STAP2: variants seen among roughly 807,000 people sequenced by gnomAD.
STAP2 encodes the protein signal-transducing adaptor protein 2.
A neutral mutation model predicts 52.7 loss-of-function variants in STAP2; 58 were observed. That is an observed-to-expected ratio of 1.10 (90% CI 0.89 to 1.37). STAP2 has a LOEUF of 1.37. STAP2 is among the 40% of genes most tolerant of loss of function. The probability of loss-of-function intolerance (pLI) is 0.00; values close to 1 mark genes in which losing one functional copy is unlikely to be tolerated. For missense variants in STAP2, 522 were observed against 519.4 expected, an observed-to-expected ratio of 1.00 and a Z score of -0.05; for synonymous variants, 231 against 210.5, an observed-to-expected ratio of 1.10 and a Z score of -0.84.
Position 4,326,982 on chromosome 19 carries a change from A to G in STAP2, c.789T>C (p.Asn263=), listed in dbSNP as rs895365159. ...AGGGCGCCACCCACACATTCTCGCC[A>G]TTCTCCTTATCGGCTTCCACGTAGC... ...VLGYVEADKE[N]GENVWVAPSA... The change falls in exon 9 of 13, where the codon AAT becomes AAC. Residue 263 remains asparagine, a synonymous_variant. Transcript: ENST00000594605. 14 of 1,553,854 alleles carry G rather than the reference A, an allele frequency of 9.0e-6. No individual in the cohort carries two copies. The African/African-American group carries it at 1.8e-4, about 20-fold the overall frequency.
chr19:4,325,187 T>C, intron 11 of STAP2, 29 bp downstream of exon 11: 1 of 1,525,180 alleles, frequency 6.6e-7, no homozygotes, highest in Non-Finnish European at 8.9e-7. Context: ...TGCCATCAGG[T>C]GAGGGTGGGA....
At chr19:4,327,063 G>T in intron 8 of STAP2, 56 bp from the exon 9 acceptor site, 1 of 1,606,388 alleles carries the variant, frequency 6.2e-7, no homozygotes, top group Non-Finnish European at 8.5e-7. Flanking sequence ...GGCCCGGTCC[G>T]TCCGAGCGGG....
intron 1 of STAP2, among the ~76,000 whole-genome samples, chr19:4,335,938 T>G (rs1971973922): frequency 6.6e-6 from 1 of 152,146 alleles, no homozygotes; most frequent in Non-Finnish European, 1.5e-5. Flanking sequence ...GCATAAGGCC[T>G]GGGAGTAAGG....
intron 9 of STAP2, 105 bp downstream of exon 9, chr19:4,326,837 G>A: frequency 7.2e-7 from 1 of 1,393,416 alleles, no homozygotes; most frequent in Non-Finnish European, 9.9e-7. Flanking sequence ...GCAACTTTGG[G>A]AACATCAGAT....
At chr19:4,324,575 T>C (rs748805761) in intron 11 of STAP2, 46 bp from the exon 12 acceptor site, 5 of 1,548,748 alleles carry the variant, frequency 3.2e-6, no homozygotes, top group Non-Finnish European at 4.4e-6. Context: ...CTCACGCCGG[T>C]AATCCCAGCA....
chr19:4,327,379 G>T lies in STAP2; in HGVS notation c.597C>A (p.His199Gln), dbSNP rs774690523. 6.2e-7 allele frequency: 1 copy of T among 1,613,974 alleles called. No individual in the cohort carries two copies. Among genetic ancestry groups the T allele is most frequent in the Non-Finnish European group, 8.5e-7 (1 of 1,179,988 alleles). The change falls in exon 7 of 13, where the codon CAC (histidine) becomes CAA (glutamine). Residue 199 changes from histidine to glutamine, a missense_variant. Transcript: ENST00000594605. Reference sequence around the variant, plus strand: ...GCTTCACCTTGTAATGCCGGACCACGTGCGTCCTGCACCAGGAGAAAGCGA... The same window carrying T: ...GCTTCACCTTGTAATGCCGGACCACTTGCGTCCTGCACCAGGAGAAAGCGA... ...VTTRQMHNGT[H>Q]VVRHYKVKRE... is the part of the protein sequence containing the mutation.
Position 4,328,415 on chromosome 19 carries a change from A to G in STAP2, c.590+260T>C, listed in dbSNP as rs1353521978. ...TGACTCCACCCGCCCCAGCTCGCCC[A>G]GCCCAGCTCTGACTCCTCCCCCAAT... On this transcript the variant is annotated intron_variant, in intron 6 of 12. Coordinates refer to ENST00000594605, the MANE Select transcript of STAP2 (RefSeq NM_001013841.2). 1.0e-4 allele frequency among the ~76,000 whole-genome samples: 14 copies of G among 135,562 alleles called. No individual in the cohort carries two copies. The Admixed American group carries it at 1.0e-3, about 10-fold the overall frequency. The allele number at this position is 135,562 out of a possible 152,430, so 88.9% of individuals were successfully genotyped here.
Position 4,327,131 on chromosome 19 carries a change from C to G in STAP2, c.756G>C (p.Lys252Asn). ...CCCCGAAGGGGCACCCACCTAGCAC[C>G]TTCTCGTAGTCCTCGTCTAACAGGA... is the stretch of plus-strand genomic sequence containing the variant. ...VPFLLDEDYE[K>N]VLGYVEADKE... The change falls in exon 8 of 13, where the codon AAG (lysine) becomes AAC (asparagine). Residue 252 changes from lysine to asparagine, a missense_variant. By Grantham distance (94) the Lys-to-Asn change is moderately conservative (BLOSUM62 0). Coordinates refer to ENST00000594605, the MANE Select transcript of STAP2 (RefSeq NM_001013841.2). The G allele has an allele frequency of 6.2e-7, 1 of 1,614,168 alleles. No homozygotes were observed. The highest frequency in any genetic ancestry group is 1.7e-5 in the Admixed American group (1 of 60,014).
intron 9 of STAP2, among the ~76,000 whole-genome samples, chr19:4,325,922 T>C (rs1331937667): frequency 6.6e-6 from 1 of 151,906 alleles, no homozygotes; most frequent in African/African-American, 2.4e-5. Context: ...TGAGCCGAGA[T>C]TGCGCCACTG....
intron 9 of STAP2, 148 bp downstream of exon 9, chr19:4,326,794 C>T (rs1335631879): frequency 4.8e-6 from 5 of 1,040,254 alleles, no homozygotes; most frequent in African/African-American, 4.7e-5. Context: ...ACACACACAC[C>T]CTGACGGCAG....
rs1971933303 is a variant in STAP2 at position 4,333,970 on chromosome 19, T to A, written c.174+3A>T. ...GCTCTGGAGCCTCCATTCCCATCCT[T>A]ACCTGGAAGTCCCGATTGCTATTGT... is the stretch of plus-strand genomic sequence containing the variant. On this transcript the variant is annotated splice_donor_region_variant and intron_variant, in intron 2 of 12. Coordinates refer to ENST00000594605, the MANE Select transcript of STAP2 (RefSeq NM_001013841.2). 6.2e-7 allele frequency: 1 copy of A among 1,612,992 alleles called. No individual in the cohort carries two copies. Among genetic ancestry groups the A allele is most frequent in the Non-Finnish European group, 8.5e-7 (1 of 1,179,586 alleles).
intron 4 of STAP2, among the ~76,000 whole-genome samples, chr19:4,331,294 A>G (rs1248345609): frequency 9.7e-5 from 14 of 144,432 alleles, no homozygotes; most frequent in South Asian, 2.2e-4. Flanking sequence ...ACACCACTGC[A>G]CTCCAGCCTG....
chr19:4,327,461 T>C, intron 6 of STAP2, 76 bp from the exon 7 acceptor site: 1 of 1,511,538 alleles, frequency 6.6e-7, no homozygotes, highest in Non-Finnish European at 9.1e-7. Context: ...CCGCCCCAAC[T>C]CCAGGCTCCG....
intron 1 of STAP2, among the ~76,000 whole-genome samples, chr19:4,335,301 C>T (rs552630512): frequency 6.6e-6 from 1 of 152,068 alleles, no homozygotes; most frequent in South Asian, 2.1e-4. Flanking sequence ...ACGCATCTTC[C>T]CGTTCATCCA....
chr19:4,328,535 G>C (rs559269915), intron 6 of STAP2, 140 bp downstream of exon 6: 1 of 1,207,950 alleles, frequency 8.3e-7, no homozygotes, highest in Non-Finnish European at 1.1e-6. Flanking sequence ...TCCGTCCCCA[G>C]ACGCCCGTCT....
chr19:4,332,670 C>T (rs565726935), intron 3 of STAP2, among the ~76,000 whole-genome samples: 1 of 150,828 alleles, frequency 6.6e-6, no homozygotes, highest in South Asian at 2.1e-4. Context: ...TAGCGAGCCC[C>T]CTGTCTCTAC....
chr19:4,328,971 C>T, intron 5 of STAP2, 162 bp from the exon 6 acceptor site: 2 of 979,806 alleles, frequency 2.0e-6, no homozygotes, highest in Non-Finnish European at 2.9e-6. Flanking sequence ...AGACCCAGTC[C>T]GGCCTTCCAG....
intron 11 of STAP2, 35 bp from the exon 12 acceptor site, chr19:4,324,564 G>A: frequency 6.4e-7 from 1 of 1,552,294 alleles, no homozygotes; most frequent in Admixed American, 2.0e-5. Context: ...AGGTGTGGTG[G>A]CTCACGCCGG....
intron 9 of STAP2, 143 bp from the exon 10 acceptor site, chr19:4,325,688 G>A (rs1421544542): frequency 9.1e-6 from 10 of 1,094,700 alleles, no homozygotes; most frequent in Admixed American, 2.8e-5. Flanking sequence ...GTCTGTGTCT[G>A]GGCCGGGCGC....
Sources: allele counts gnomAD v4.1 joint callset (sites outside exome capture counted in the v4.1 genomes callset), GRCh38; gene constraint gnomAD v4.1.1; transcripts MANE v1.5; gene names NCBI Gene and HGNC (gene_info 2026-07-23, HGNC 2026-07-21).